Variants in TFB1M observed in about 807,000 individuals in gnomAD.
The protein encoded by TFB1M is transcription factor B1, mitochondrial.
TFB1M carries 27 observed loss-of-function variants against 31.1 expected under a neutral mutation model. The observed-to-expected ratio is 0.87, with a 90% CI of 0.64 to 1.20. The LOEUF is 1.20. Ranked by LOEUF, TFB1M falls within the 50% of genes most tolerant of loss-of-function variation. The pLI is 0.00. For synonymous variants in TFB1M, 166 were observed against 151.8 expected, an observed-to-expected ratio of 1.09 and a Z score of -0.69; for missense variants, 394 against 418.7, an observed-to-expected ratio of 0.94 and a Z score of 0.51.
At chr6:155,251,997 G>T (rs1325717063), downstream of TFB1M, 9 of 1,604,906 alleles carry the variant, frequency 5.6e-6, no homozygotes, top group Non-Finnish European at 7.7e-6. Context: ...AACTGAAAAA[G>T]AAATTGGTAA....
At chr6:155,244,676 A>C in the TFB1M span, 22 of 1,613,616 alleles carry the variant, frequency 1.4e-5, no homozygotes, top group Non-Finnish European at 1.6e-5. Context: ...ACTTTTTGGA[A>C]GTTTGCCAGA....
intron 4 of TFB1M, among the ~76,000 whole-genome samples, chr6:155,287,463 A>T (rs1030152927): frequency 2.0e-5 from 3 of 152,186 alleles, no homozygotes; most frequent in Admixed American, 6.5e-5. Context: ...CCAAAATGGA[A>T]TAAAAAATAA....
chr6:155,311,912 T>C (rs1778031886), intron 1 of TFB1M, among the ~76,000 whole-genome samples: 1 of 152,178 alleles, frequency 6.6e-6, no homozygotes, highest in Non-Finnish European at 1.5e-5. Context: ...CAGGAAAAAG[T>C]TAAATTGAGC....
the TFB1M span, among the ~76,000 whole-genome samples, chr6:155,242,689 G>T: frequency 1.3e-5 from 2 of 152,268 alleles, no homozygotes; most frequent in African/African-American, 4.8e-5. Context: ...GAATAAAAGA[G>T]AAATCTTTTC....
At position 155,275,721 on chromosome 6, in the gene TFB1M, T is replaced by C. The variant is rs201732989; in HGVS notation, c.666+9437A>G. 5.8e-5 allele frequency: 94 copies of C among 1,611,642 alleles called. No individual in the cohort carries two copies. The East Asian group carries it at 2.0e-3, about 35-fold the overall frequency. ...GAGGACAGACTTAACAGTAACATCA[T>C]GGCCTCAGCAGGACTCCAGCTCCTT... On this transcript the variant is annotated intron_variant, in intron 5 of 6. Transcript: ENST00000367166.
chr6:155,250,905 C>T, the TFB1M span: 1 of 1,613,516 alleles, frequency 6.2e-7, no homozygotes, highest in Non-Finnish European at 8.5e-7. Flanking sequence ...CCTGTTTTTA[C>T]AATCTAGGTA....
intron 5 of TFB1M, among the ~76,000 whole-genome samples, chr6:155,268,886 A>G (rs1210348785): frequency 1.4e-5 from 2 of 148,086 alleles, no homozygotes; most frequent in Admixed American, 6.8e-5. Flanking sequence ...CCTTCCCTCC[A>G]CTATTGTCCT....
rs181796633 is a variant in TFB1M, at chr6:155,266,414, C to T, written c.667-6014G>A. ...AAAGTATCACACAGTCAACTCAAATCCTGGAGATTAAATTCACTAGAAGTG... is the reference window on the plus strand; with the variant it reads ...AAAGTATCACACAGTCAACTCAAATTCTGGAGATTAAATTCACTAGAAGTG... On this transcript the variant is annotated intron_variant, in intron 5 of 6. Transcript: ENST00000367166. Among the ~76,000 whole-genome samples, 41 of 152,176 alleles carry T rather than the reference C, an allele frequency of 2.7e-4. No homozygotes were observed. In the East Asian group the frequency reaches 6.8e-3, roughly 25 times the overall value.
At chr6:155,308,838 T>C (rs1777898016) in intron 2 of TFB1M, among the ~76,000 whole-genome samples, 1 of 152,188 alleles carries the variant, frequency 6.6e-6, no homozygotes, top group African/African-American at 2.4e-5. Context: ...ATGGTATCCT[T>C]AAAATAGATC....
the TFB1M span, chr6:155,250,764 CGT>C: frequency 9.1e-7 from 1 of 1,100,536 alleles, no homozygotes; most frequent in East Asian, 2.5e-5. Context: ...AAAGCTCCAC[CGT>C]TTAAGGCCCC....
intron 4 of TFB1M, among the ~76,000 whole-genome samples, chr6:155,289,625 A>G (rs1291876550): frequency 6.6e-6 from 1 of 152,250 alleles, no homozygotes; most frequent in African/African-American, 2.4e-5. Context: ...TGTAATTAAC[A>G]AAGCCAATCA....
At chr6:155,276,172 A>C in intron 5 of TFB1M, 1 of 1,614,208 alleles carries the variant, frequency 6.2e-7, no homozygotes, top group Non-Finnish European at 8.5e-7. Flanking sequence ...TGGATCTGAC[A>C]GTTCCAGAAA....
At chr6:155,238,230 C>A in the TFB1M span, among the ~76,000 whole-genome samples, 1 of 152,232 alleles carries the variant, frequency 6.6e-6, no homozygotes, top group African/African-American at 2.4e-5. Flanking sequence ...CAGCTTTGCT[C>A]CAGTTCCCAA....
chr6:155,238,879 TGAAC>T, the TFB1M span, among the ~76,000 whole-genome samples: 20 of 152,330 alleles, frequency 1.3e-4, no homozygotes, highest in Admixed American at 4.6e-4. Context: ...ACCACTGAAT[TGAAC>T]TGAAAGACTA....
chr6:155,269,398 T>C (rs1250568148), intron 5 of TFB1M, among the ~76,000 whole-genome samples: 2 of 149,852 alleles, frequency 1.3e-5, no homozygotes, highest in African/African-American at 2.5e-5. Context: ...CTTGGCTCAA[T>C]GCAACTTCCG....
At chr6:155,258,113 A>G in intron 6 of TFB1M, 31 bp from the exon 7 acceptor site, 2 of 1,613,554 alleles carry the variant, frequency 1.2e-6, no homozygotes, top group Non-Finnish European at 1.7e-6. Flanking sequence ...CAGAAAAATA[A>G]GAATTTTACT....
rs1463172613 is a variant in TFB1M, at chr6:155,314,339, CG to C, written c.89del (p.Ala30GlyfsTer12). 2.5e-6 allele frequency: 4 copies of C among 1,614,088 alleles called. No individual in the cohort carries two copies. The South Asian group carries it at 4.4e-5, about 18-fold the overall frequency. ...GGAGGAAATTCTGTGATAGCTGCTT[CG>C]CTGCTTGCAGTCTTAACAACTTAAT... Reference protein sequence around the residue: ...EIIKLLRLQAAKQLSQNFLLD... With the variant: ...EIIKLLRLQAXKQLSQNFLLD... On this transcript the variant is annotated frameshift_variant, in exon 1 of 7. Transcript: ENST00000367166. LOFTEE classifies it high-confidence loss of function.
intron 4 of TFB1M, among the ~76,000 whole-genome samples, chr6:155,291,332 G>A (rs778738471): frequency 3.3e-5 from 5 of 152,130 alleles, no homozygotes; most frequent in Non-Finnish European, 7.3e-5. Flanking sequence ...TAAGTGCAGA[G>A]GAAACAAGAA....
the TFB1M span, among the ~76,000 whole-genome samples, chr6:155,242,344 CTTG>C: frequency 1.2e-4 from 19 of 152,304 alleles, no homozygotes; most frequent in East Asian, 2.3e-3. Context: ...AACACAGAAT[CTTG>C]TTGTTTTTTA....
Sources: gnomAD v4.1 joint callset for allele counts (sites outside exome capture counted in the v4.1 genomes callset) on GRCh38, gnomAD v4.1.1 for gene constraint, MANE v1.5 for transcripts, NCBI Gene and HGNC (gene_info 2026-07-23, HGNC 2026-07-21) for gene names.